UTRN: variants seen among roughly 807,000 people sequenced by gnomAD.
UTRN encodes the protein dystrophin-related protein 1.
Under a neutral mutation model 463.9 loss-of-function variants are expected in UTRN, and 283 were observed. That is an observed-to-expected ratio of 0.61 (90% CI 0.55 to 0.67). UTRN has a LOEUF of 0.67. Ranked by LOEUF, UTRN falls within the 30% of genes least tolerant of loss-of-function variation. UTRN has a pLI of 0.00. For missense variants in UTRN, 3,922 were observed against 4,084.3 expected (o/e 0.96, Z 1.08); for synonymous variants, 1,442 against 1,431.5 (o/e 1.01, Z -0.17).
At chr6:144,630,047 G>A (rs1449689063) in intron 51 of UTRN, among the ~76,000 whole-genome samples, 1 of 152,060 alleles carries the variant, frequency 6.6e-6, no homozygotes, top group Non-Finnish European at 1.5e-5. Flanking sequence ...AATTAGCCAG[G>A]CGTGGTGGTG....
At chr6:144,563,526 G>C (rs1348796786) in intron 50 of UTRN, among the ~76,000 whole-genome samples, 1 of 152,034 alleles carries the variant, frequency 6.6e-6, no homozygotes, top group East Asian at 1.9e-4. Flanking sequence ...CGAATGAATG[G>C]GCTTAGGTGA....
intron 51 of UTRN, among the ~76,000 whole-genome samples, chr6:144,638,911 G>GA (rs1029668856): frequency 1.3e-5 from 2 of 151,892 alleles, no homozygotes; most frequent in African/African-American, 4.8e-5. Flanking sequence ...CGATCTCTAA[G>GA]AAATTTTTTA....
intron 2 of UTRN, among the ~76,000 whole-genome samples, chr6:144,304,666 G>T (rs1026244200): frequency 2.2e-4 from 34 of 152,142 alleles, no homozygotes; most frequent in Non-Finnish European, 4.3e-4. Flanking sequence ...AGGTTTGGAG[G>T]TGAGAATTGT....
At chr6:144,332,282 G>C (rs1776389997) in intron 2 of UTRN, among the ~76,000 whole-genome samples, 1 of 152,210 alleles carries the variant, frequency 6.6e-6, no homozygotes, top group Admixed American at 6.5e-5. Context: ...CAGGGACCAA[G>C]GTTGTCTTGT....
chr6:144,314,924 A>G (rs1161138390), intron 2 of UTRN, among the ~76,000 whole-genome samples: 1 of 151,146 alleles, frequency 6.6e-6, no homozygotes, highest in Admixed American at 6.6e-5. Context: ...AAAAATACCT[A>G]TGTATATATA....
chr6:144,776,859 T>A (rs763998551), intron 60 of UTRN, among the ~76,000 whole-genome samples: 1 of 152,186 alleles, frequency 6.6e-6, no homozygotes, highest in Non-Finnish European at 1.5e-5. Context: ...TGCACCAACT[T>A]AATCCTTCTG....
chr6:144,431,780 T>C (rs1785873722), intron 9 of UTRN, among the ~76,000 whole-genome samples: 1 of 152,198 alleles, frequency 6.6e-6, no homozygotes, highest in Non-Finnish European at 1.5e-5. Context: ...TCTACAGTTT[T>C]AGGATTTTTT....
chr6:144,483,982 G>C (rs1792158441), intron 27 of UTRN, among the ~76,000 whole-genome samples: 2 of 152,132 alleles, frequency 1.3e-5, no homozygotes, highest in African/African-American at 2.4e-5. Context: ...GGACCGGCAG[G>C]TGCCTTCACT....
chr6:144,349,169 C>T (rs1394825328), intron 2 of UTRN, among the ~76,000 whole-genome samples: 1 of 152,100 alleles, frequency 6.6e-6, no homozygotes, highest in Non-Finnish European at 1.5e-5. Flanking sequence ...CCATCACGCC[C>T]GGCTAATTTT....
chr6:144,831,825 G>T lies in UTRN; in HGVS notation c.9665+2970G>T, dbSNP rs1290949268. On this transcript the variant is annotated intron_variant, in intron 69 of 74. Transcript: ENST00000367545. ...TTGGGTGACACTGGAAAGAAAGAAT[G>T]GGGAGGCTGACTGTGGTTTACACAG... 2.0e-5 allele frequency among the ~76,000 whole-genome samples: 3 copies of T among 152,122 alleles called. No homozygotes were observed. In the East Asian group the frequency reaches 5.8e-4, roughly 29 times the overall value.
chr6:144,490,974 C>T lies in UTRN; in HGVS notation c.4309C>T (p.Pro1437Ser). 1.2e-6 allele frequency: 2 copies of T among 1,610,614 alleles called. No homozygotes were observed. Among genetic ancestry groups the T allele is most frequent in the South Asian group, 1.1e-5 (1 of 90,484 alleles). ...VSTKFQLFQK[P>S]ANFEQRMLDC... ...CACAAAGTTCCAGCTTTTCCAGAAG[C>T]CAGCTAACTTCGAGCAGCGCATGCT... Residue 1437 changes from proline to serine, a missense_variant, in exon 32 of 75, where the codon CCA (proline) becomes TCA (serine). Pro to Ser is a moderately conservative substitution (Grantham distance 74). Coordinates refer to ENST00000367545, the MANE Select transcript of UTRN (RefSeq NM_007124.3).
intron 2 of UTRN, among the ~76,000 whole-genome samples, chr6:144,376,133 T>G (rs1327499317): frequency 6.6e-6 from 1 of 152,068 alleles, no homozygotes; most frequent in Non-Finnish European, 1.5e-5. Context: ...ACTACAGGTG[T>G]GCACCACTAT....
chr6:144,328,462 C>G (rs751677631), intron 2 of UTRN, among the ~76,000 whole-genome samples: 1 of 152,078 alleles, frequency 6.6e-6, no homozygotes. Flanking sequence ...TTAAGTAACT[C>G]TTAAACTTGT....
chr6:144,523,201 G>T lies in UTRN; in HGVS notation c.5906+13G>T. ...GTGATCGGAAAGGGTATGTGTAAAT[G>T]AAATTAATATTTAATTTAAAAAAAT... On this transcript the variant is annotated intron_variant, in intron 41 of 74. Transcript: ENST00000367545. The T allele has an allele frequency of 6.6e-7, 1 of 1,510,206 alleles. No individual in the cohort carries two copies. The highest frequency in any genetic ancestry group is 1.4e-5 in the South Asian group (1 of 73,086). 93.6% of individuals were successfully genotyped at this position (1,510,206 alleles called of 1,614,324 possible).
chr6:144,326,545 C>G (rs957060428), intron 2 of UTRN, among the ~76,000 whole-genome samples: 1 of 152,092 alleles, frequency 6.6e-6, no homozygotes, highest in Non-Finnish European at 1.5e-5. Flanking sequence ...GGAGTGTTTT[C>G]TCTGAGACAT....
intron 2 of UTRN, chr6:144,330,760 C>A: frequency 2.1e-6 from 2 of 940,560 alleles, no homozygotes; most frequent in Non-Finnish European, 2.5e-6. Flanking sequence ...TTCACAGAGG[C>A]AGGAATGTGA....
chr6:144,683,147 G>A (rs1782380378), intron 52 of UTRN, among the ~76,000 whole-genome samples: 1 of 152,244 alleles, frequency 6.6e-6, no homozygotes, highest in Admixed American at 6.5e-5. Context: ...TAGAGTGAAG[G>A]TGAGTGGAGC....
chr6:144,669,716 G>A (rs1399557258), intron 51 of UTRN, among the ~76,000 whole-genome samples: 1 of 152,042 alleles, frequency 6.6e-6, no homozygotes, highest in African/African-American at 2.4e-5. Flanking sequence ...CTAATGTGTA[G>A]TCTTTTATCC....
In UTRN at chr6:144,479,929, G is replaced by T. The variant is rs1192929855; in HGVS notation, c.3454G>T (p.Asp1152Tyr). 4.3e-6 allele frequency: 7 copies of T among 1,614,080 alleles called. No homozygotes were observed. Among genetic ancestry groups the T allele is most frequent in the Non-Finnish European group, 5.9e-6 (7 of 1,180,026 alleles). Residue 1152 changes from aspartate to tyrosine, a missense_variant, in exon 26 of 75, where the codon GAT (aspartate) becomes TAT (tyrosine). Coordinates refer to ENST00000367545, the MANE Select transcript of UTRN (RefSeq NM_007124.3). ...GGCCGAGGAAGAATATTTGGAGCGG[G>T]ATTTTGAGTACAAGTCACCAGAAGA... ...TQAEEEYLERDFEYKSPEELE... is the reference protein window; with the variant it reads ...TQAEEEYLERYFEYKSPEELE...
Sources: allele counts gnomAD v4.1 joint callset (sites outside exome capture counted in the v4.1 genomes callset), GRCh38; gene constraint gnomAD v4.1.1; transcripts MANE v1.5; gene names NCBI Gene and HGNC (gene_info 2026-07-23, HGNC 2026-07-21).